The following EFHD1 variants were observed in gnomAD, a reference collection of about 807,000 sequenced individuals.
The protein encoded by EFHD1 is EF-hand domain-containing protein D1.
In EFHD1, 10 loss-of-function variants were observed where a neutral mutation model predicts 17.2. The ratio of observed to expected loss-of-function variants is 0.58; its 90% CI spans 0.36 to 0.99. The LOEUF (loss-of-function observed/expected upper bound fraction) is 0.99, where lower values mean the gene tolerates loss of function less well. Ranked by LOEUF, EFHD1 falls within the 50% of genes least tolerant of loss-of-function variation. The pLI, the probability that EFHD1 is intolerant of heterozygous loss-of-function variation, is 0.01. For missense variants in EFHD1, 310 were observed against 327.5 expected (o/e 0.95, Z 0.41); for synonymous variants, 153 against 142.0 (o/e 1.08, Z -0.55).
chr2:232,615,273 G>T (rs573975974), intron 1 of EFHD1, among the ~76,000 whole-genome samples: 2 of 151,380 alleles, frequency 1.3e-5, no homozygotes, highest in Admixed American at 6.6e-5. Context: ...CTGTTGGGGG[G>T]GCATCCTTAA....
chr2:232,681,563 T>C, intron 3 of EFHD1, 22 bp from the exon 4 acceptor site: 1 of 1,612,466 alleles, frequency 6.2e-7, no homozygotes, highest in Non-Finnish European at 8.5e-7. Context: ...TCGTTTGGTC[T>C]ATGTCTGCTA....
At chr2:232,620,380 T>TC (rs1490216342) in intron 1 of EFHD1, among the ~76,000 whole-genome samples, 1 of 136,038 alleles carries the variant, frequency 7.4e-6, no homozygotes, top group African/African-American at 2.8e-5. Context: ...AAAACGAGAC[T>TC]CCATCTCAAA....
upstream of EFHD1, among the ~76,000 whole-genome samples, chr2:232,630,764 T>G (rs1252560535): frequency 1.6e-5 from 2 of 122,170 alleles, no homozygotes; most frequent in Non-Finnish European, 3.3e-5. Flanking sequence ...CTGGGCAACA[T>G]AGAGAGATCT....
chr2:232,668,881 G>T (rs1045426720), intron 2 of EFHD1, among the ~76,000 whole-genome samples: 2 of 152,062 alleles, frequency 1.3e-5, no homozygotes, highest in South Asian at 2.1e-4. Flanking sequence ...TGATCCGCTC[G>T]ACTCAGCCTC....
At chr2:232,675,308 C>A (rs1311696368) in intron 3 of EFHD1, among the ~76,000 whole-genome samples, 1 of 152,186 alleles carries the variant, frequency 6.6e-6, no homozygotes, top group East Asian at 1.9e-4. Flanking sequence ...TGGGCCAGCA[C>A]TTGCCACCCT....
upstream of EFHD1, among the ~76,000 whole-genome samples, chr2:232,631,703 A>AC (rs777773728): frequency 4.3e-5 from 6 of 139,364 alleles, no homozygotes; most frequent in East Asian, 8.1e-4. Context: ...AAAAAAAAAA[A>AC]AAACAAAAAC....
chr2:232,663,452 A>G (rs758866648), intron 2 of EFHD1, among the ~76,000 whole-genome samples: 26 of 150,882 alleles, frequency 1.7e-4, no homozygotes, highest in South Asian at 1.3e-3. Context: ...GCCCACCGCA[A>G]CCTCCACCTC....
At chr2:232,641,328 T>A (rs1694427788) in intron 1 of EFHD1, among the ~76,000 whole-genome samples, 2 of 152,294 alleles carry the variant, frequency 1.3e-5, no homozygotes, top group South Asian at 4.1e-4. Flanking sequence ...CCACCGCACC[T>A]GGCCACAATC....
chr2:232,643,050 C>T (rs1460617691), intron 1 of EFHD1, among the ~76,000 whole-genome samples: 3 of 152,198 alleles, frequency 2.0e-5, no homozygotes, highest in Non-Finnish European at 4.4e-5. Flanking sequence ...GTCCTCTGCC[C>T]TCTGCCACCC....
chr2:232,638,305 C>T lies in EFHD1; in HGVS notation c.302+4299C>T, dbSNP rs80048873. 1,692 of 469,594 alleles carry T rather than the reference C, an allele frequency of 3.6e-3. 26 individuals carry two copies. Among genetic ancestry groups the T allele is most frequent in the African/African-American group, 0.031 (1,532 of 50,054 alleles). The allele number at this position is 469,594 out of a possible 1,614,324, so 29.1% of individuals were successfully genotyped here. A position where few individuals can be genotyped will look rare whatever the true frequency, so the allele number is the denominator to read the frequency against. On this transcript the variant is annotated intron_variant, in intron 1 of 3. Coordinates refer to ENST00000264059, the MANE Select transcript of EFHD1 (RefSeq NM_025202.4). ...CCAATGCAACATCTTAAAATGCAGCCGCAAGGTTTTTGCAGCATACTAAAA... is the reference window on the plus strand; with the variant it reads ...CCAATGCAACATCTTAAAATGCAGCTGCAAGGTTTTTGCAGCATACTAAAA...
intron 3 of EFHD1, among the ~76,000 whole-genome samples, chr2:232,677,207 T>TCCACAC (rs371927894): frequency 4.6e-5 from 6 of 131,364 alleles, no homozygotes; most frequent in Admixed American, 3.7e-4. Flanking sequence ...ACCCCATCTC[T>TCCACAC]ACACACACAC....
chr2:232,615,473 C>T (rs1693911054), intron 1 of EFHD1, among the ~76,000 whole-genome samples: 1 of 152,016 alleles, frequency 6.6e-6, no homozygotes, highest in African/African-American at 2.4e-5. Context: ...CCTCGACCTT[C>T]TGCAGCTTTT....
intron 2 of EFHD1, among the ~76,000 whole-genome samples, chr2:232,669,692 C>A (rs1437248289): frequency 6.6e-6 from 1 of 151,800 alleles, no homozygotes; most frequent in Non-Finnish European, 1.5e-5. Flanking sequence ...CCTCCACCTC[C>A]TGGGTTCAAG....
intron 1 of EFHD1, among the ~76,000 whole-genome samples, chr2:232,609,581 G>A: frequency 6.6e-6 from 1 of 152,162 alleles, no homozygotes; most frequent in African/African-American, 2.4e-5. Flanking sequence ...CAGTAGGAAG[G>A]ATATCTGTCT....
intron 1 of EFHD1, 52 bp downstream of exon 1, chr2:232,634,058 G>C (rs1332640585): frequency 6.3e-7 from 1 of 1,589,112 alleles, no homozygotes; most frequent in South Asian, 1.1e-5. Context: ...GGGAGCGGGA[G>C]GGCTTTCTGG....
At chr2:232,661,183 A>G (rs1478575785) in intron 1 of EFHD1, among the ~76,000 whole-genome samples, 1 of 151,934 alleles carries the variant, frequency 6.6e-6, no homozygotes, top group Non-Finnish European at 1.5e-5. Flanking sequence ...AAAACCTCTG[A>G]CCACTTTAAC....
intron 1 of EFHD1, among the ~76,000 whole-genome samples, chr2:232,644,840 C>G (rs1187531856): frequency 7.1e-6 from 1 of 140,526 alleles, no homozygotes; most frequent in Non-Finnish European, 1.5e-5. Flanking sequence ...CGGGGTTTCT[C>G]CATGTTGGTC....
At chr2:232,665,782 C>G (rs988342612) in intron 2 of EFHD1, among the ~76,000 whole-genome samples, 1 of 152,226 alleles carries the variant, frequency 6.6e-6, no homozygotes, top group Non-Finnish European at 1.5e-5. Context: ...AAGTCTCAGT[C>G]ATGTCTCACC....
intron 3 of EFHD1, among the ~76,000 whole-genome samples, chr2:232,678,489 G>A (rs902911880): frequency 1.8e-4 from 27 of 151,976 alleles, no homozygotes; most frequent in African/African-American, 5.1e-4. Flanking sequence ...TCTTTAGCAC[G>A]ATAAAAGAAT....
Sources: allele counts gnomAD v4.1 joint callset (sites outside exome capture counted in the v4.1 genomes callset), GRCh38; gene constraint gnomAD v4.1.1; transcripts MANE v1.5; gene names NCBI Gene and HGNC (gene_info 2026-07-23, HGNC 2026-07-21).